Variants in PCSK6 observed in about 807,000 individuals in gnomAD.
PCSK6 encodes the protein paired basic amino acid cleaving enzyme 4.
A neutral mutation model predicts 123.3 loss-of-function variants in PCSK6; 85 were observed. That is an observed-to-expected ratio of 0.69 (90% confidence interval 0.58 to 0.83). The LOEUF is 0.83. Ranked by LOEUF, PCSK6 falls within the 40% of genes least tolerant of loss-of-function variation. The pLI, the probability that PCSK6 is intolerant of heterozygous loss-of-function variation, is 0.00. For synonymous variants in PCSK6, 508 were observed against 516.0 expected, an observed-to-expected ratio of 0.98 and a Z score of 0.21; for missense variants, 1,191 against 1,282.3, an observed-to-expected ratio of 0.93 and a Z score of 1.09.
chr15:101,467,824 G>A lies in PCSK6; in HGVS notation c.297+21550C>T, dbSNP rs186379363. On this transcript the variant is annotated intron_variant, in intron 1 of 21. Coordinates refer to ENST00000611716, the MANE Select transcript of PCSK6 (RefSeq NM_002570.5). ...GCTCAAAACCAAAGCTAAGCAACAC[G>A]TTGTCTAAGCACATCTACGCCGGAG... Among the ~76,000 whole-genome samples the A allele has an allele frequency of 4.6e-5, 7 of 152,246 alleles. No individual in the cohort carries two copies. In the East Asian group the frequency reaches 9.7e-4, roughly 21 times the overall value.
At position 101,384,356 on chromosome 15, in the gene PCSK6, C is replaced by T. The variant is rs200054272; in HGVS notation, c.1380G>A (p.Ala460=). 1.5e-4 allele frequency: 235 copies of T among 1,613,794 alleles called. No individual in the cohort carries two copies. In the East Asian group the frequency reaches 2.2e-3, roughly 15 times the overall value. ...VKTSRPAHLK[A]SDWKVNGAGH... ...CCGCGCCGTTCACTTTCCAGTCGCT[C>T]GCTTTCAGGTGGGCCGGCCGGGATG... is the stretch of plus-strand genomic sequence containing the variant. The change falls in exon 10 of 22, where the codon GCG becomes GCA. Residue 460 remains alanine, a synonymous_variant. Coordinates refer to ENST00000611716, the MANE Select transcript of PCSK6 (RefSeq NM_002570.5).
chr15:101,389,646 G>T, intron 8 of PCSK6, 82 bp from the exon 9 acceptor site: 1 of 1,088,776 alleles, frequency 9.2e-7, no homozygotes, highest in African/African-American at 1.6e-5. Context: ...TACTTCAGGT[G>T]CCACTAACTG....
chr15:101,412,716 A>G lies in PCSK6; in HGVS notation c.824-14140T>C, dbSNP rs568584984. On this transcript the variant is annotated intron_variant, in intron 6 of 21. Transcript: ENST00000611716. ...TTATATATATATATATATATATAAA[A>G]TTACCCAATCTGAACAACATAAAGA... 9.7e-5 allele frequency among the ~76,000 whole-genome samples: 11 copies of G among 113,854 alleles called. No homozygotes were observed. The South Asian group carries it at 2.6e-3, about 27-fold the overall frequency. 74.7% of individuals were successfully genotyped at this position (113,854 alleles called of 152,430 possible).
intron 6 of PCSK6, among the ~76,000 whole-genome samples, chr15:101,401,303 G>A (rs1250326962): frequency 6.6e-6 from 1 of 152,230 alleles, no homozygotes; most frequent in Non-Finnish European, 1.5e-5. Context: ...TAGCTTGAAA[G>A]CCTACTATGA....
At position 101,305,215 on chromosome 15, in the gene PCSK6, G is replaced by T; in HGVS notation, c.*43C>A. On this transcript the variant is annotated 3_prime_UTR_variant, in exon 22 of 22. Transcript: ENST00000611716. This position sits in a 1 kb window ranked among gnomAD's most constrained non-coding sequence, Gnocchi z 4.8. ...ACAGTCTGGAGGAAGGTGGACGGAT[G>T]GATGGATGGGAGTGCCTGCCCTCTG... The T allele has an allele frequency of 6.7e-7, 1 of 1,490,212 alleles. No homozygotes were observed. The highest frequency in any genetic ancestry group is 9.2e-7 in the Non-Finnish European group (1 of 1,082,248). 92.3% of individuals were successfully genotyped at this position (1,490,212 alleles called of 1,614,324 possible).
chr15:101,321,076 T>G (rs767567251), intron 18 of PCSK6, among the ~76,000 whole-genome samples: 2 of 152,146 alleles, frequency 1.3e-5, no homozygotes, highest in Non-Finnish European at 2.9e-5. Flanking sequence ...ACACAGAGCC[T>G]CCTCTTCCTG....
intron 2 of PCSK6, among the ~76,000 whole-genome samples, chr15:101,435,392 C>T (rs4965865): frequency 0.35 from 53,029 of 152,006 alleles, 9,975 homozygotes; most frequent in African/African-American, 0.5. Flanking sequence ...GTTGACTTTT[C>T]TTGTGGAAAA....
At chr15:101,414,217 G>A (rs1258543697) in intron 6 of PCSK6, among the ~76,000 whole-genome samples, 1 of 152,048 alleles carries the variant, frequency 6.6e-6, no homozygotes, top group Non-Finnish European at 1.5e-5. Context: ...AGAAAATAAT[G>A]ACATTTTTAG....
Position 101,403,963 on chromosome 15 carries a change from C to T in PCSK6, c.824-5387G>A, listed in dbSNP as rs76051433. The stretch of plus-strand genomic sequence containing the variant: ...CTTGAACTCCTGACTTCAGGTGATC[C>T]GCCCACCTCGCAGGCCATTGCTTTT... On this transcript the variant is annotated intron_variant, in intron 6 of 21. Coordinates refer to ENST00000611716, the MANE Select transcript of PCSK6 (RefSeq NM_002570.5). Among the ~76,000 whole-genome samples, 387 of 152,270 alleles carry T rather than the reference C, an allele frequency of 2.5e-3. 1 individual carries two copies. The highest frequency in any genetic ancestry group is 7.9e-3 in the African/African-American group (327 of 41,558).
At chr15:101,446,547 C>T (rs577068429) in intron 1 of PCSK6, among the ~76,000 whole-genome samples, 2 of 152,362 alleles carry the variant, frequency 1.3e-5, no homozygotes, top group South Asian at 2.1e-4. Flanking sequence ...TAGCCACACC[C>T]ACCCTTTCCC....
At chr15:101,343,278 T>G (rs1217795182) in intron 13 of PCSK6, among the ~76,000 whole-genome samples, 1 of 152,166 alleles carries the variant, frequency 6.6e-6, no homozygotes, top group Non-Finnish European at 1.5e-5. Flanking sequence ...AGTTTATCAA[T>G]TTTATTAGTT....
chr15:101,384,454 C>T (rs1359353160), intron 9 of PCSK6, 29 bp from the exon 10 acceptor site: 1 of 1,589,856 alleles, frequency 6.3e-7, no homozygotes, highest in Non-Finnish European at 8.6e-7. Context: ...CCCTAGAGTC[C>T]ACACAGCTCA....
At position 101,477,244 on chromosome 15, in the gene PCSK6, CGTGT is replaced by C. The variant is rs536606180; in HGVS notation, c.297+12126_297+12129del. The stretch of plus-strand genomic sequence containing the variant: ...AGACATTGGTGAATATATGTGTGTG[CGTGT>C]GTGTGTGTGTCTGTGTGTCTGTGTG... On this transcript the variant is annotated intron_variant, in intron 1 of 21. Transcript: ENST00000611716. 4.8e-3 allele frequency among the ~76,000 whole-genome samples: 729 copies of C among 151,446 alleles called. 5 individuals carry two copies. Among genetic ancestry groups the C allele is most frequent in the Middle Eastern group, 0.024 (7 of 292 alleles).
At chr15:101,318,173 G>A in intron 19 of PCSK6, 146 bp downstream of exon 19, 3 of 623,218 alleles carry the variant, frequency 4.8e-6, no homozygotes, top group Non-Finnish European at 2.9e-6. Flanking sequence ...GTCCCTGGTA[G>A]GGCCTTTGTA....
intron 1 of PCSK6, among the ~76,000 whole-genome samples, chr15:101,456,599 G>A (rs1316666914): frequency 6.6e-6 from 1 of 152,176 alleles, no homozygotes; most frequent in Non-Finnish European, 1.5e-5. Context: ...AGATGAAGGA[G>A]GCACATAGGA....
chr15:101,341,793 C>T (rs928958622), intron 13 of PCSK6, among the ~76,000 whole-genome samples: 1 of 152,078 alleles, frequency 6.6e-6, no homozygotes, highest in Non-Finnish European at 1.5e-5. Context: ...GAATAAAGAG[C>T]ACTAGAAATG....
At chr15:101,435,062 C>T (rs554612815) in intron 2 of PCSK6, among the ~76,000 whole-genome samples, 6 of 152,238 alleles carry the variant, frequency 3.9e-5, no homozygotes, top group South Asian at 2.1e-4. Context: ...ACCTGGTTCC[C>T]GGCCAGGACC....
At position 101,417,873 on chromosome 15, in the gene PCSK6, A is replaced by T. The variant is rs560359875; in HGVS notation, c.823+10019T>A. Among the ~76,000 whole-genome samples the T allele has an allele frequency of 4.5e-3, 639 of 143,238 alleles. 4 individuals are homozygous for T. The highest frequency in any genetic ancestry group is 7.5e-3 in the Middle Eastern group (2 of 266). 94.0% of individuals were successfully genotyped at this position (143,238 alleles called of 152,430 possible). A position where few individuals can be genotyped will look rare whatever the true frequency, so the allele number is the denominator to read the frequency against. On this transcript the variant is annotated intron_variant, in intron 6 of 21. Transcript: ENST00000611716. ...TTTATTTTTACGTACACTATTTTTT[A>T]TAATTTTAACTTTTACTTTAGATTC...
intron 5 of PCSK6, 96 bp downstream of exon 5, chr15:101,429,891 G>C (rs1596324590): frequency 9.3e-7 from 1 of 1,075,406 alleles, no homozygotes. Flanking sequence ...AGATACGCCG[G>C]CAGCCACCGC....
Sources: allele counts gnomAD v4.1 joint callset (sites outside exome capture counted in the v4.1 genomes callset), GRCh38; gene constraint gnomAD v4.1.1; non-coding constraint Gnocchi (gnomAD v3.1); transcripts MANE v1.5; gene names NCBI Gene and HGNC (gene_info 2026-07-23, HGNC 2026-07-21).